The following MAGT1 variants were observed in gnomAD, a reference collection of about 807,000 sequenced individuals.
The protein encoded by MAGT1 is dolichyl-diphosphooligosaccharide--protein glycosyltransferase subunit MAGT1.
MAGT1 carries 4 observed loss-of-function variants against 28.4 expected under a neutral mutation model. The observed-to-expected ratio is 0.14, with a 90% confidence interval of 0.07 to 0.32. The LOEUF (loss-of-function observed/expected upper bound fraction) is 0.32, where lower values mean the gene tolerates loss of function less well. MAGT1 is among the 10% of genes least tolerant of loss of function. The pLI is 1.00. For missense variants in MAGT1, 193 were observed against 264.5 expected (o/e 0.73, Z 1.88); for synonymous variants, 89 against 89.7 (o/e 0.99, Z 0.04).
intron 3 of MAGT1, among the ~76,000 whole-genome samples, chrX:77,865,211 T>C (rs782704604): frequency 1.8e-5 from 2 of 112,118 alleles, no homozygotes; most frequent in Non-Finnish European, 3.8e-5. Context: ...ATTTACCGAA[T>C]ACCCGTTATG....
At chrX:77,890,417 C>T (rs1166282163) in intron 1 of MAGT1, among the ~76,000 whole-genome samples, 4 of 112,033 alleles carry the variant, frequency 3.6e-5, no homozygotes, top group African/African-American at 9.7e-5. Flanking sequence ...TATCAGTTCA[C>T]GTACTTCCTG....
chrX:77,889,378 T>A (rs35457110), intron 1 of MAGT1, among the ~76,000 whole-genome samples: 5,480 of 99,731 alleles, frequency 0.055, 315 homozygotes, highest in African/African-American at 0.16. Flanking sequence ...ATATATATAT[T>A]TTTTTTTTTG....
intron 3 of MAGT1, among the ~76,000 whole-genome samples, chrX:77,860,738 C>T (rs1398416723): frequency 3.6e-5 from 4 of 111,872 alleles, no homozygotes; most frequent in South Asian, 3.7e-4. Flanking sequence ...TCCAGGACTG[C>T]GCCACTGCGC....
intron 8 of MAGT1, among the ~76,000 whole-genome samples, chrX:77,840,468 A>G (rs1192575971): frequency 9.1e-6 from 1 of 109,865 alleles, no homozygotes; most frequent in African/African-American, 3.3e-5. Flanking sequence ...ATGTATCATG[A>G]TAGTTACTGA....
chrX:77,834,471 C>G (rs1285718639), intron 8 of MAGT1, among the ~76,000 whole-genome samples: 5 of 107,629 alleles, frequency 4.6e-5, no homozygotes, highest in Non-Finnish European at 9.6e-5. Context: ...GTAGCTGGGA[C>G]TACAGGCACA....
intron 1 of MAGT1, among the ~76,000 whole-genome samples, chrX:77,885,839 G>T (rs188615510): frequency 1.3e-4 from 14 of 111,105 alleles, no homozygotes; most frequent in Non-Finnish European, 2.3e-4. Context: ...AATTAGCTAG[G>T]TGTGGTAGCA....
intron 1 of MAGT1, among the ~76,000 whole-genome samples, chrX:77,888,423 C>G (rs906438628): frequency 1.8e-5 from 2 of 111,463 alleles, no homozygotes; most frequent in African/African-American, 3.3e-5. Context: ...CACCTCACTA[C>G]TAGAAGGCAA....
chrX:77,842,389 G>T (rs910425232), intron 7 of MAGT1, among the ~76,000 whole-genome samples: 20 of 109,654 alleles, frequency 1.8e-4, no homozygotes, highest in Non-Finnish European at 3.8e-4. Flanking sequence ...ACTAGACTGT[G>T]TCAAAAAAAA....
chrX:77,893,327 T>A (rs782808075), intron 1 of MAGT1, among the ~76,000 whole-genome samples: 2 of 111,668 alleles, frequency 1.8e-5, no homozygotes, highest in South Asian at 7.5e-4. Flanking sequence ...AGGAAGATAT[T>A]CTCGCATAAG....
intron 7 of MAGT1, among the ~76,000 whole-genome samples, chrX:77,852,319 T>C (rs191634717): frequency 8.9e-6 from 1 of 112,549 alleles, no homozygotes; most frequent in African/African-American, 3.2e-5. Context: ...GCAGTAAGTA[T>C]ATTTTCCATA....
rs1056627270 is a variant in MAGT1, at chrX:77,826,743, G to A, written c.*2477C>T. On this transcript the variant is annotated 3_prime_UTR_variant, in exon 10 of 10. Coordinates refer to ENST00000618282, the MANE Select transcript of MAGT1 (RefSeq NM_001367916.1). ...CAGATTACATGGCAGTAGTATTCCC[G>A]TGGTCAATCTGTACAAATCAGGGCA... The A allele has an allele frequency of 2.7e-5, 3 of 112,001 alleles. No homozygotes were observed. Among genetic ancestry groups the A allele is most frequent in the Admixed American group, 9.6e-5 (1 of 10,429 alleles). The allele number at this position is 112,001 out of a possible 1,213,427, so 9.2% of individuals were successfully genotyped here.
intron 1 of MAGT1, among the ~76,000 whole-genome samples, chrX:77,883,351 A>G (rs1335174073): frequency 3.8e-5 from 4 of 105,859 alleles, no homozygotes; most frequent in African/African-American, 1.4e-4. Flanking sequence ...ATTGTAATAT[A>G]TATTATAATA....
chrX:77,843,230 A>G, intron 7 of MAGT1, among the ~76,000 whole-genome samples: 1 of 111,141 alleles, frequency 9.0e-6, no homozygotes. Flanking sequence ...TCTTTTTTAA[A>G]TTTTTTAATT....
chrX:77,830,887 C>A lies in MAGT1; in HGVS notation c.910G>T (p.Val304Leu), dbSNP rs1557213325. 1.8e-6 allele frequency: 2 copies of A among 1,117,167 alleles called. No homozygotes were observed. The highest frequency in any genetic ancestry group is 4.7e-5 in the Admixed American group (2 of 42,422). 92.1% of individuals were successfully genotyped at this position (1,117,167 alleles called of 1,213,427 possible). A position where few individuals can be genotyped will look rare whatever the true frequency, so the allele number is the denominator to read the frequency against. Residue 304 changes from valine (V) to leucine (L), a missense_variant, in exon 9 of 10, where the codon GTG becomes TTG. Physicochemically the swap from Val to Leu is conservative, Grantham distance 32. Transcript: ENST00000618282. ...MDIGKRKIMC[V>L]AGIGLVVLFF... ...AATACAACAAGTCCAATACCAGCCA[C>A]ACACATTACTGCAGAAAAATAAAAG...
intron 7 of MAGT1, among the ~76,000 whole-genome samples, chrX:77,842,778 G>A (rs782631721): frequency 9.1e-6 from 1 of 110,416 alleles, no homozygotes; most frequent in African/African-American, 3.3e-5. Context: ...AGTGAGCCGA[G>A]ATGGCACTAC....
chrX:77,892,736 G>A (rs559617473), intron 1 of MAGT1, among the ~76,000 whole-genome samples: 1 of 111,172 alleles, frequency 9.0e-6, no homozygotes, highest in East Asian at 2.8e-4. Context: ...TCATAAGGCT[G>A]TACTGAGCTA....
At chrX:77,886,192 T>C (rs1249663803) in intron 1 of MAGT1, among the ~76,000 whole-genome samples, 1 of 111,919 alleles carries the variant, frequency 8.9e-6, no homozygotes, top group Non-Finnish European at 1.9e-5. Flanking sequence ...TTCAAAAATC[T>C]TTAAAAATCA....
chrX:77,846,967 C>G (rs965227033), intron 7 of MAGT1, among the ~76,000 whole-genome samples: 3 of 112,053 alleles, frequency 2.7e-5, no homozygotes, highest in Non-Finnish European at 5.6e-5. Flanking sequence ...AGCTGTCAGA[C>G]AGGGACATTT....
Position 77,838,869 on chromosome X carries a change from T to C in MAGT1, c.901+2377A>G, listed in dbSNP as rs782213163. Among the ~76,000 whole-genome samples the C allele has an allele frequency of 8.2e-5, 9 of 109,151 alleles. No homozygotes were observed. In the South Asian group the frequency reaches 1.2e-3, roughly 14 times the overall value. The allele number at this position is 109,151 out of a possible 115,157, so 94.8% of individuals were successfully genotyped here. On this transcript the variant is annotated intron_variant, in intron 8 of 9. Coordinates refer to ENST00000618282, the MANE Select transcript of MAGT1 (RefSeq NM_001367916.1). ...ATAGAAGGAAAAACATAAACACAAATGACTAGTAAACATTTAGGAAAATAT... is the reference window on the plus strand; with the variant it reads ...ATAGAAGGAAAAACATAAACACAAACGACTAGTAAACATTTAGGAAAATAT...
Sources: gnomAD v4.1 joint callset for allele counts (sites outside exome capture counted in the v4.1 genomes callset) on GRCh38, gnomAD v4.1.1 for gene constraint, MANE v1.5 for transcripts, NCBI Gene and HGNC (gene_info 2026-07-23, HGNC 2026-07-21) for gene names.